MLIP: variants seen among roughly 807,000 people sequenced by gnomAD.
MLIP encodes the protein muscular LMNA-interacting protein.
In MLIP, 79 loss-of-function variants were observed where a neutral mutation model predicts 84.8. The observed-to-expected ratio is 0.93, with a 90% CI of 0.78 to 1.12. The LOEUF is 1.12. Ranked by LOEUF, MLIP falls within the 50% of genes most tolerant of loss-of-function variation. The pLI, the probability that MLIP is intolerant of heterozygous loss-of-function variation, is 0.00. For missense variants in MLIP, 1,257 were observed against 1,160.6 expected (o/e 1.08, Z -1.21); for synonymous variants, 504 against 463.0 (o/e 1.09, Z -1.14).
intron 1 of MLIP, chr6:54,079,419 T>C (rs566518489): frequency 6.6e-6 from 1 of 152,204 alleles, no homozygotes; most frequent in South Asian, 2.1e-4. Flanking sequence ...AATGATGACT[T>C]GAGCTCATTC....
chr6:54,230,829 C>G lies in MLIP; in HGVS notation c.2834C>G (p.Ala945Gly). ...PQTLSHADCL[A>G]PGPFSHLSFS... ...ACCCTCTCACATGCTGACTGTCTTG[C>G]CCCAGGACCCTTCAGTCATCTGTCC... The change falls in exon 12 of 14, where the codon GCC becomes GGC. Residue 945 changes from alanine to glycine, a missense_variant. Coordinates refer to ENST00000502396, the MANE Select transcript of MLIP (RefSeq NM_001281747.2). 1 of 1,614,044 alleles carries G rather than the reference C, an allele frequency of 6.2e-7. No individual in the cohort carries two copies. The highest frequency in any genetic ancestry group is 8.5e-7 in the Non-Finnish European group (1 of 1,179,990).
At chr6:54,090,234 T>C (rs1034638968) in intron 1 of MLIP, among the ~76,000 whole-genome samples, 1 of 152,164 alleles carries the variant, frequency 6.6e-6, no homozygotes, top group Admixed American at 6.6e-5. Context: ...TGGGTGATAA[T>C]GTCCCCACCA....
At chr6:54,265,175 T>A (rs1415510877) in intron 13 of MLIP, among the ~76,000 whole-genome samples, 1 of 152,126 alleles carries the variant, frequency 6.6e-6, no homozygotes, top group Non-Finnish European at 1.5e-5. Flanking sequence ...CCTCCATTGG[T>A]GTTATTCCGT....
rs1781488431 is a variant in MLIP at position 54,238,105 on chromosome 6, A to G, written c.2922+7188A>G. On this transcript the variant is annotated intron_variant, in intron 12 of 13. Coordinates refer to ENST00000502396, the MANE Select transcript of MLIP (RefSeq NM_001281747.2). The stretch of plus-strand genomic sequence containing the variant: ...AGTACCATGTACAACACACCTGTTT[A>G]TGTCTAGATTAAGGCCTACTGGAGT... Among the ~76,000 whole-genome samples the G allele has an allele frequency of 3.3e-5, 5 of 152,124 alleles. No homozygotes were observed. The South Asian group carries it at 6.2e-4, about 19-fold the overall frequency.
intron 1 of MLIP, among the ~76,000 whole-genome samples, chr6:54,070,495 C>T (rs1165223353): frequency 1.3e-5 from 2 of 152,132 alleles, no homozygotes; most frequent in African/African-American, 4.8e-5. Flanking sequence ...CACGTCTCTG[C>T]TTTTGTTTCT....
chr6:54,224,888 T>A (rs955369652), intron 11 of MLIP, among the ~76,000 whole-genome samples: 1 of 152,178 alleles, frequency 6.6e-6, no homozygotes, highest in African/African-American at 2.4e-5. Context: ...TCCAGTCTCA[T>A]CCAGGTCACT....
At chr6:54,181,872 G>T (rs1776906814) in intron 9 of MLIP, among the ~76,000 whole-genome samples, 1 of 152,198 alleles carries the variant, frequency 6.6e-6, no homozygotes, top group South Asian at 2.1e-4. Flanking sequence ...TGGATGAGCT[G>T]ATCTCCAGGA....
chr6:54,090,042 CTA>C, intron 1 of MLIP, among the ~76,000 whole-genome samples: 1 of 152,128 alleles, frequency 6.6e-6, no homozygotes, highest in Non-Finnish European at 1.5e-5. Context: ...CTTAGTGAAA[CTA>C]AAATGAGTTG....
At position 54,137,011 on chromosome 6, in the gene MLIP, T is replaced by C; in HGVS notation, c.942T>C (p.Thr314=). The C allele has an allele frequency of 6.5e-7, 1 of 1,536,098 alleles. No individual in the cohort carries two copies. The highest frequency in any genetic ancestry group is 8.7e-7 in the Non-Finnish European group (1 of 1,146,886). Residue 314 remains threonine, a synonymous_variant, in exon 4 of 14, where the codon ACT becomes ACC. Transcript: ENST00000502396. ...CAGGTTCTAATTTACCCAGTTCAAC[T>C]GCAGCAGATCCAAAGCCTGGACTGA... The part of the protein sequence containing the change: ...QLSGSNLPSS[T]AADPKPGLTS...
chr6:54,213,607 C>T (rs912431467), intron 11 of MLIP, among the ~76,000 whole-genome samples: 2 of 146,458 alleles, frequency 1.4e-5, no homozygotes, highest in African/African-American at 5.0e-5. Flanking sequence ...GAGGCTGAGG[C>T]AGGAGAATTG....
chr6:54,220,749 G>A (rs1220242362), intron 11 of MLIP, among the ~76,000 whole-genome samples: 3 of 151,960 alleles, frequency 2.0e-5, no homozygotes, highest in Admixed American at 2.0e-4. Context: ...GATTCTTAAG[G>A]GAAAAACAAA....
exon 1 of MLIP, chr6:54,019,045 G>A (rs17625497): frequency 0.26 from 415,168 of 1,606,772 alleles, 56,579 homozygotes; most frequent in Admixed American, 0.4. Context: ...CTTGAAAAGC[G>A]TGAAAAAAGA....
chr6:54,215,164 T>C (rs1211078289), intron 11 of MLIP: 1 of 1,535,622 alleles, frequency 6.5e-7, no homozygotes, highest in Non-Finnish European at 8.7e-7. Context: ...GGACTCCTAC[T>C]GCAACGGAAG....
chr6:54,242,563 C>A (rs1361590230), intron 12 of MLIP, among the ~76,000 whole-genome samples: 1 of 152,006 alleles, frequency 6.6e-6, no homozygotes, highest in African/African-American at 2.4e-5. Context: ...AAAGATCAAT[C>A]AACAAGAGTT....
chr6:54,187,851 C>A (rs1158139517), intron 9 of MLIP, among the ~76,000 whole-genome samples: 1 of 151,936 alleles, frequency 6.6e-6, no homozygotes, highest in Non-Finnish European at 1.5e-5. Flanking sequence ...TAAAAAAATA[C>A]AAAAAATTAG....
chr6:54,132,810 G>T (rs1771493801), intron 3 of MLIP, among the ~76,000 whole-genome samples: 1 of 152,186 alleles, frequency 6.6e-6, no homozygotes, highest in Non-Finnish European at 1.5e-5. Context: ...TTCTGCAGGG[G>T]AATTCAGTGC....
chr6:54,202,124 G>A lies in MLIP; in HGVS notation c.2609G>A (p.Arg870His), dbSNP rs553430412. Residue 870 changes from arginine to histidine, a missense_variant, in exon 11 of 14, where the codon CGC becomes CAC. By Grantham distance (29) the Arg-to-His change is conservative (BLOSUM62 0). Transcript: ENST00000502396. Reference protein sequence around the residue: ...ESQLTKPGVIRPVPVKSRILL... With the variant: ...ESQLTKPGVIHPVPVKSRILL... ...ATGAAGACTAAGCCTGGAGTAATTC[G>A]CCCAGTACCTGTAAAATCCAGAATA... 2.6e-5 allele frequency: 42 copies of A among 1,589,964 alleles called. No homozygotes were observed. Among genetic ancestry groups the A allele is most frequent in the South Asian group, 1.4e-4 (12 of 86,892 alleles).
intron 4 of MLIP, among the ~76,000 whole-genome samples, chr6:54,144,150 G>A (rs1007553809): frequency 2.0e-5 from 3 of 152,168 alleles, no homozygotes; most frequent in African/African-American, 7.2e-5. Flanking sequence ...ATATAAGGAA[G>A]TGTCTGGGCA....
chr6:54,036,822 A>G (rs1582003563), intron 1 of MLIP, among the ~76,000 whole-genome samples: 1 of 152,018 alleles, frequency 6.6e-6, no homozygotes, highest in Non-Finnish European at 1.5e-5. Flanking sequence ...TAGCCAAGAT[A>G]TGGAAGGTTC....
Sources: allele counts gnomAD v4.1 joint callset (sites outside exome capture counted in the v4.1 genomes callset), GRCh38; gene constraint gnomAD v4.1.1; transcripts MANE v1.5; gene names NCBI Gene and HGNC (gene_info 2026-07-23, HGNC 2026-07-21).